Variants in ADGRL3 observed in about 807,000 individuals in gnomAD.
The protein encoded by ADGRL3 is calcium-independent alpha-latrotoxin receptor 3.
In ADGRL3, 62 loss-of-function variants were observed where a neutral mutation model predicts 153.5. The ratio of observed to expected loss-of-function variants is 0.40; its 90% CI spans 0.33 to 0.50. ADGRL3 has a LOEUF of 0.50. Ranked by LOEUF, ADGRL3 falls within the 20% of genes least tolerant of loss-of-function variation. The pLI is 0.47. For missense variants in ADGRL3, 1,641 were observed against 1,859.4 expected (o/e 0.88, Z 2.16); for synonymous variants, 710 against 672.5 (o/e 1.06, Z -0.86).
intron 4 of ADGRL3, among the ~76,000 whole-genome samples, chr4:61,523,792 CT>C (rs796706007): frequency 6.6e-6 from 1 of 151,924 alleles, no homozygotes; most frequent in Non-Finnish European, 1.5e-5. Context: ...TAAGCTCAGT[CT>C]TTTTTTCTAT....
At chr4:61,339,183 AT>A (rs1446264061) in intron 1 of ADGRL3, among the ~76,000 whole-genome samples, 2 of 152,206 alleles carry the variant, frequency 1.3e-5, no homozygotes, top group Non-Finnish European at 2.9e-5. Context: ...TTAAATGATT[AT>A]AAGAGTAGTC....
chr4:61,206,322 G>A (rs894985177), intron 1 of ADGRL3, among the ~76,000 whole-genome samples: 2 of 152,098 alleles, frequency 1.3e-5, no homozygotes, highest in African/African-American at 4.8e-5. Flanking sequence ...TTTTTGGGAT[G>A]GAAAAATAAA....
At chr4:61,229,346 C>T (rs1749477667) in intron 1 of ADGRL3, among the ~76,000 whole-genome samples, 1 of 152,102 alleles carries the variant, frequency 6.6e-6, no homozygotes, top group South Asian at 2.1e-4. Flanking sequence ...TGAAGTAAAA[C>T]TTGTAAATAA....
intron 13 of ADGRL3, among the ~76,000 whole-genome samples, chr4:61,922,501 T>C (rs1319494652): frequency 6.6e-6 from 1 of 152,168 alleles, no homozygotes; most frequent in Non-Finnish European, 1.5e-5. Flanking sequence ...GTCCACAGTT[T>C]ACTCAGATTT....
At chr4:62,002,833 T>A (rs2099145188) in intron 21 of ADGRL3, among the ~76,000 whole-genome samples, 1 of 152,090 alleles carries the variant, frequency 6.6e-6, no homozygotes, top group African/African-American at 2.4e-5. Flanking sequence ...TAACCTAATT[T>A]AAAAATAGTA....
intron 1 of ADGRL3, among the ~76,000 whole-genome samples, chr4:61,283,705 T>G (rs1298846109): frequency 1.3e-5 from 2 of 151,968 alleles, no homozygotes; most frequent in Non-Finnish European, 2.9e-5. Flanking sequence ...CATAGTAACT[T>G]ACAAATTACT....
At chr4:61,715,705 GA>G (rs893032722) in intron 6 of ADGRL3, among the ~76,000 whole-genome samples, 2 of 151,950 alleles carry the variant, frequency 1.3e-5, no homozygotes, top group Non-Finnish European at 2.9e-5. Flanking sequence ...CTATAGATGT[GA>G]TCTGGTTTGA....
chr4:62,002,299 TG>T (rs965797161), intron 21 of ADGRL3, among the ~76,000 whole-genome samples: 1 of 149,178 alleles, frequency 6.7e-6, no homozygotes, highest in Non-Finnish European at 1.5e-5. Context: ...TTATGCATTT[TG>T]GCCCTCTGGC....
At chr4:61,246,384 A>T (rs1757084517) in intron 1 of ADGRL3, among the ~76,000 whole-genome samples, 1 of 152,050 alleles carries the variant, frequency 6.6e-6, no homozygotes, top group Non-Finnish European at 1.5e-5. Flanking sequence ...ACTTATATCA[A>T]GCATCGGGGG....
At chr4:61,330,129 A>G (rs1412852424) in intron 1 of ADGRL3, among the ~76,000 whole-genome samples, 3 of 152,062 alleles carry the variant, frequency 2.0e-5, no homozygotes. Context: ...TTTCTTTTTT[A>G]TTTCCCAATT....
intron 1 of ADGRL3, among the ~76,000 whole-genome samples, chr4:61,239,288 T>G (rs540595733): frequency 6.6e-6 from 1 of 152,262 alleles, no homozygotes; most frequent in African/African-American, 2.4e-5. Flanking sequence ...AGTGGGGTGA[T>G]ATTTTATAGA....
At chr4:61,580,246 A>G (rs2098918236) in intron 4 of ADGRL3, among the ~76,000 whole-genome samples, 1 of 152,014 alleles carries the variant, frequency 6.6e-6, no homozygotes, top group African/African-American at 2.4e-5. Flanking sequence ...AATCTGTTTC[A>G]TTTTTATTTT....
chr4:61,210,876 G>A (rs1739679731), intron 1 of ADGRL3, among the ~76,000 whole-genome samples: 1 of 152,088 alleles, frequency 6.6e-6, no homozygotes, highest in Non-Finnish European at 1.5e-5. Context: ...ATGTTCGGTT[G>A]ATGTTGTCTA....
At chr4:61,512,353 T>A (rs2098467860) in intron 3 of ADGRL3, among the ~76,000 whole-genome samples, 1 of 152,166 alleles carries the variant, frequency 6.6e-6, no homozygotes, top group Non-Finnish European at 1.5e-5. Context: ...GTGAATGTAA[T>A]GATGTAATAA....
chr4:62,065,392 A>G (rs1742465650), intron 25 of ADGRL3, among the ~76,000 whole-genome samples: 3 of 152,096 alleles, frequency 2.0e-5, no homozygotes. Context: ...TACACAATTC[A>G]TCAGATGTGC....
At chr4:62,029,819 T>C (rs1720974994) in intron 22 of ADGRL3, among the ~76,000 whole-genome samples, 1 of 151,568 alleles carries the variant, frequency 6.6e-6, no homozygotes, top group South Asian at 2.1e-4. Context: ...GATCCTATTA[T>C]TTTGTTTTTA....
intron 2 of ADGRL3, among the ~76,000 whole-genome samples, chr4:61,478,976 T>A (rs2098100447): frequency 6.6e-6 from 1 of 152,008 alleles, no homozygotes; most frequent in African/African-American, 2.4e-5. Context: ...ATATAGAAAA[T>A]ACTTCACAGA....
intron 8 of ADGRL3, among the ~76,000 whole-genome samples, chr4:61,779,475 A>C (rs2097189144): frequency 6.6e-6 from 1 of 151,770 alleles, no homozygotes; most frequent in Non-Finnish European, 1.5e-5. Flanking sequence ...CTCTATTAAA[A>C]ATACAAAAAT....
At chr4:62,068,441 T>G (rs1436420129) in intron 26 of ADGRL3, among the ~76,000 whole-genome samples, 1 of 152,192 alleles carries the variant, frequency 6.6e-6, no homozygotes, top group Non-Finnish European at 1.5e-5. Context: ...GTTTTTAAAT[T>G]AAGCATTTAT....
Sources: gnomAD v4.1 joint callset for allele counts (sites outside exome capture counted in the v4.1 genomes callset) on GRCh38, gnomAD v4.1.1 for gene constraint, MANE v1.5 for transcripts, NCBI Gene and HGNC (gene_info 2026-07-23, HGNC 2026-07-21) for gene names.